Variants in USH2A observed in about 807,000 individuals in gnomAD.
USH2A encodes the protein usherin.
A neutral mutation model predicts 538.9 loss-of-function variants in USH2A; 443 were observed. The observed-to-expected ratio is 0.82, with a 90% CI of 0.76 to 0.89. USH2A has a LOEUF of 0.89. USH2A is among the 40% of genes least tolerant of loss of function. The pLI, the probability that USH2A is intolerant of heterozygous loss-of-function variation, is 0.00. For missense variants in USH2A, 6,633 were observed against 6,324.8 expected (o/e 1.05, Z -1.65); for synonymous variants, 2,413 against 2,273.5 (o/e 1.06, Z -1.75).
intron 38 of USH2A, among the ~76,000 whole-genome samples, chr1:215,917,518 G>C (rs1306955464): frequency 6.6e-6 from 1 of 151,746 alleles, no homozygotes; most frequent in Admixed American, 6.6e-5. Flanking sequence ...TAGTCTTTGT[G>C]AAATTAAAAA....
At chr1:215,917,007 C>A (rs2102484880) in intron 38 of USH2A, among the ~76,000 whole-genome samples, 1 of 152,254 alleles carries the variant, frequency 6.6e-6, no homozygotes, top group South Asian at 2.1e-4. Flanking sequence ...AATGATGCAG[C>A]TCACTGTGCT....
At chr1:216,258,849 A>T (rs992441808) in intron 11 of USH2A, among the ~76,000 whole-genome samples, 2 of 152,110 alleles carry the variant, frequency 1.3e-5, no homozygotes, top group African/African-American at 4.8e-5. Context: ...GACCTGACAA[A>T]ACAACTATAA....
rs956202563 is a variant in USH2A, at chr1:216,382,189, G to A, written c.652-17104C>T. Among the ~76,000 whole-genome samples the A allele has an allele frequency of 1.1e-4, 17 of 152,196 alleles. 1 individual carries two copies. Among genetic ancestry groups the A allele is most frequent in the Admixed American group, 8.5e-4 (13 of 15,276 alleles). On this transcript the variant is annotated intron_variant, in intron 3 of 71. Transcript: ENST00000307340. ...CTTGATCTAAAAGTTCTGGAGTCTA[G>A]TGATGGACACAAATAAAGCACATTG... is the stretch of plus-strand genomic sequence containing the variant.
intron 61 of USH2A, among the ~76,000 whole-genome samples, chr1:215,684,875 A>G (rs1248716555): frequency 6.6e-6 from 1 of 150,798 alleles, no homozygotes; most frequent in African/African-American, 2.4e-5. Flanking sequence ...ACCAGAGAAT[A>G]AGTCACATCA....
intron 35 of USH2A, among the ~76,000 whole-genome samples, chr1:215,981,325 T>A (rs543780260): frequency 6.6e-6 from 1 of 152,300 alleles, no homozygotes; most frequent in Admixed American, 6.5e-5. Context: ...TGGTTACATG[T>A]GTTCTAAATA....
At chr1:215,882,360 CT>C (rs906015128) in intron 41 of USH2A, among the ~76,000 whole-genome samples, 1 of 152,104 alleles carries the variant, frequency 6.6e-6, no homozygotes, top group Admixed American at 6.5e-5. Flanking sequence ...GTAGTAATTC[CT>C]CTTATGATGG....
At position 216,289,414 on chromosome 1, in the gene USH2A, C is replaced by A. The variant is rs1199160777; in HGVS notation, c.1841-4G>T. 1 of 1,613,698 alleles carries A rather than the reference C, an allele frequency of 6.2e-7. No homozygotes were observed. The highest frequency in any genetic ancestry group is 8.5e-7 in the Non-Finnish European group (1 of 1,179,758). On this transcript the variant is annotated splice_region_variant and splice_polypyrimidine_tract_variant and intron_variant, in intron 10 of 71. Transcript: ENST00000307340. Reference sequence around the variant, plus strand: ...TTGCACAGCTCACAGTTCCTTCCTGCATCAGGGAAAGGTTATGCATTATGA... The same window carrying A: ...TTGCACAGCTCACAGTTCCTTCCTGAATCAGGGAAAGGTTATGCATTATGA...
chr1:216,188,554 C>G (rs1250521221), intron 20 of USH2A, among the ~76,000 whole-genome samples: 1 of 151,756 alleles, frequency 6.6e-6, no homozygotes, highest in Non-Finnish European at 1.5e-5. Context: ...TTAACGACAG[C>G]CCCCAAGGAA....
intron 37 of USH2A, among the ~76,000 whole-genome samples, chr1:215,938,681 G>GAACC (rs1468969587): frequency 1.3e-5 from 2 of 152,092 alleles, no homozygotes; most frequent in Non-Finnish European, 1.5e-5. Flanking sequence ...CTGAGTTCTG[G>GAACC]AACCGCAACT....
intron 37 of USH2A, among the ~76,000 whole-genome samples, chr1:215,938,826 C>A (rs1666567426): frequency 6.6e-6 from 1 of 152,068 alleles, no homozygotes. Flanking sequence ...AATGAGGTTG[C>A]CAATACCAAT....
chr1:215,996,094 A>T (rs1313974882), intron 34 of USH2A, among the ~76,000 whole-genome samples: 1 of 152,132 alleles, frequency 6.6e-6, no homozygotes, highest in Admixed American at 6.6e-5. Flanking sequence ...TATTTTAAGT[A>T]GAGATGGGTT....
intron 11 of USH2A, among the ~76,000 whole-genome samples, chr1:216,277,287 G>C (rs1441135212): frequency 6.6e-6 from 1 of 151,974 alleles, no homozygotes; most frequent in Non-Finnish European, 1.5e-5. Context: ...CTTGTTCCTG[G>C]GGCTTCTCTC....
intron 21 of USH2A, among the ~76,000 whole-genome samples, chr1:216,133,626 A>T (rs187037702): frequency 1.0e-3 from 156 of 152,240 alleles, no homozygotes; most frequent in Non-Finnish European, 1.6e-3. Context: ...CCGACATGGA[A>T]ATGTAAGGCC....
rs10525093 is a variant in USH2A, at chr1:216,120,219, C to CAAAAAAAAA, written c.4628-23015_4628-23007dup. 7.9e-4 allele frequency among the ~76,000 whole-genome samples: 79 copies of CAAAAAAAAA among 99,998 alleles called. 4 individuals are homozygous for CAAAAAAAAA. Among genetic ancestry groups the CAAAAAAAAA allele is most frequent in the East Asian group, 1.4e-3 (3 of 2,156 alleles). 65.6% of individuals were successfully genotyped at this position (99,998 alleles called of 152,430 possible). ...TATTAAAACAGGTCATACTAAATAG[C>CAAAAAAAAA]AAAAAAAAAAAAAAAAAAAAAAAAA... On this transcript the variant is annotated intron_variant, in intron 21 of 71. Coordinates refer to ENST00000307340, the MANE Select transcript of USH2A (RefSeq NM_206933.4).
intron 34 of USH2A, among the ~76,000 whole-genome samples, chr1:215,995,883 A>G (rs1252415983): frequency 6.6e-6 from 1 of 152,142 alleles, no homozygotes; most frequent in Non-Finnish European, 1.5e-5. Flanking sequence ...TGAAATCATG[A>G]CTATTAAGAC....
intron 32 of USH2A, among the ~76,000 whole-genome samples, chr1:216,036,840 C>CA (rs2030002650): frequency 6.6e-6 from 1 of 151,774 alleles, no homozygotes; most frequent in African/African-American, 2.4e-5. Context: ...TACAGGAACA[C>CA]AAAAAATTGT....
At chr1:215,636,425 A>C (rs919500064) in intron 69 of USH2A, among the ~76,000 whole-genome samples, 9 of 152,232 alleles carry the variant, frequency 5.9e-5, no homozygotes, top group African/African-American at 2.2e-4. Flanking sequence ...CATCTCTAAA[A>C]TAAAGGGTTG....
chr1:216,227,355 A>C (rs1387549172), intron 14 of USH2A, among the ~76,000 whole-genome samples: 1 of 152,204 alleles, frequency 6.6e-6, no homozygotes, highest in Non-Finnish European at 1.5e-5. Flanking sequence ...TGCTCTTTTT[A>C]AATGTTAGTA....
intron 11 of USH2A, among the ~76,000 whole-genome samples, chr1:216,262,477 T>C (rs1003506394): frequency 6.6e-6 from 1 of 151,516 alleles, no homozygotes; most frequent in Non-Finnish European, 1.5e-5. Flanking sequence ...CAGAAAAAAA[T>C]GATTTATGAA....
Sources: gnomAD v4.1 joint callset for allele counts (sites outside exome capture counted in the v4.1 genomes callset) on GRCh38, gnomAD v4.1.1 for gene constraint, MANE v1.5 for transcripts, NCBI Gene and HGNC (gene_info 2026-07-23, HGNC 2026-07-21) for gene names.